Variants in NAV3 observed in about 807,000 individuals in gnomAD.
NAV3 encodes the protein neuron navigator 3, also known as pore membrane and/or filament interacting like protein 1.
NAV3 carries 87 observed loss-of-function variants against 244.7 expected under a neutral mutation model. That is an observed-to-expected ratio of 0.36 (90% CI 0.30 to 0.42). NAV3 has a LOEUF of 0.42. Among genes scored for constraint, NAV3 ranks in the 20% least tolerant of loss-of-function variants. NAV3 has a pLI of 1.00. For synonymous variants in NAV3, 1,126 were observed against 1,042.2 expected (o/e 1.08, Z -1.55); for missense variants, 2,663 against 2,893.3 (o/e 0.92, Z 1.83).
At chr12:77,974,100 T>C (rs148373096) in intron 5 of NAV3, among the ~76,000 whole-genome samples, 4 of 152,180 alleles carry the variant, frequency 2.6e-5, no homozygotes, top group Admixed American at 1.3e-4. Context: ...TCGGTTGTTA[T>C]AGATGAAGAT....
At chr12:78,017,036 A>G (rs1876337716) in intron 8 of NAV3, among the ~76,000 whole-genome samples, 1 of 152,136 alleles carries the variant, frequency 6.6e-6, no homozygotes, top group Non-Finnish European at 1.5e-5. Context: ...ATTTACAGGT[A>G]GCCAGATTCA....
chr12:77,805,361 G>C (rs1201985573), intron 2 of NAV3, among the ~76,000 whole-genome samples: 2 of 152,168 alleles, frequency 1.3e-5, no homozygotes, highest in African/African-American at 2.4e-5. Flanking sequence ...AGTTTATTGA[G>C]AGTTTTTAGC....
Position 77,951,920 on chromosome 12 carries a change from G to A in NAV3, c.414+10787G>A. 1.3e-5 allele frequency among the ~76,000 whole-genome samples: 2 copies of A among 152,000 alleles called. 1 individual carries two copies. Among genetic ancestry groups the A allele is most frequent in the Non-Finnish European group, 2.9e-5 (2 of 67,988 alleles). On this transcript the variant is annotated intron_variant, in intron 3 of 39. Transcript: ENST00000397909. ...ACATCACACACCAGGGTCTGTCGTG[G>A]GGCAGGGGGAGAGGGGAGGGATAGC...
chr12:78,055,844 A>G (rs1252152865), intron 11 of NAV3, among the ~76,000 whole-genome samples: 1 of 152,192 alleles, frequency 6.6e-6, no homozygotes, highest in Admixed American at 6.5e-5. Context: ...GGAGAGGGAA[A>G]TTGGTTTGAT....
chr12:77,917,876 C>T (rs1225601481), intron 1 of NAV3, among the ~76,000 whole-genome samples: 1 of 151,974 alleles, frequency 6.6e-6, no homozygotes, highest in Non-Finnish European at 1.5e-5. Flanking sequence ...TGACTAGACG[C>T]TGACTCATAC....
At chr12:78,183,955 T>G (rs1038188648) in intron 30 of NAV3, among the ~76,000 whole-genome samples, 1 of 151,834 alleles carries the variant, frequency 6.6e-6, no homozygotes, top group Non-Finnish European at 1.5e-5. Context: ...ACTGTTTTTG[T>G]TGACTGAATC....
intron 1 of NAV3, among the ~76,000 whole-genome samples, chr12:77,865,880 T>C (rs560843102): frequency 6.6e-6 from 1 of 151,612 alleles, no homozygotes; most frequent in African/African-American, 2.4e-5. Context: ...TTTCCTAAGA[T>C]TTGTGATTAT....
chr12:77,893,703 C>T (rs1225086186), intron 1 of NAV3, among the ~76,000 whole-genome samples: 1 of 152,006 alleles, frequency 6.6e-6, no homozygotes, highest in Non-Finnish European at 1.5e-5. Flanking sequence ...AATTAGTTGG[C>T]AAGAATAATA....
intron 1 of NAV3, among the ~76,000 whole-genome samples, chr12:77,894,264 C>A (rs77943464): frequency 1.1e-3 from 161 of 152,170 alleles, no homozygotes; most frequent in African/African-American, 3.6e-3. Flanking sequence ...AGAGAGATTT[C>A]TATCCCCAAA....
At position 78,159,327 on chromosome 12, in the gene NAV3, C is replaced by T. The variant is rs1957429018; in HGVS notation, c.4869+41C>T. On this transcript the variant is annotated intron_variant, in intron 23 of 39. Transcript: ENST00000397909. ...GCCACTGGAGACTGAAAGAAGACAG[C>T]AAATTGCATAGGATTCTTAAATAAT... The T allele has an allele frequency of 4.0e-6, 6 of 1,488,544 alleles. No homozygotes were observed. In the South Asian group the frequency reaches 4.5e-5, roughly 11 times the overall value. The allele number at this position is 1,488,544 out of a possible 1,614,324, so 92.2% of individuals were successfully genotyped here.
intron 8 of NAV3, among the ~76,000 whole-genome samples, chr12:78,020,682 T>A (rs11837958): frequency 0.063 from 9,634 of 152,226 alleles, 976 homozygotes; most frequent in African/African-American, 0.22. Flanking sequence ...CAATGATTAC[T>A]TTTTTTCTCT....
chr12:78,007,950 T>C (rs79129118), intron 8 of NAV3, among the ~76,000 whole-genome samples: 1,708 of 152,318 alleles, frequency 0.011, 12 homozygotes, highest in Non-Finnish European at 0.019. Flanking sequence ...ATTGGGAAAG[T>C]TACTTAACAT....
intron 1 of NAV3, among the ~76,000 whole-genome samples, chr12:77,849,408 A>C (rs1187819423): frequency 6.6e-6 from 1 of 152,148 alleles, no homozygotes; most frequent in Non-Finnish European, 1.5e-5. Context: ...AGTATTTATA[A>C]TCCAAAAATT....
chr12:77,745,988 TAAAA>T (rs35139297), intron 2 of NAV3, among the ~76,000 whole-genome samples: 5 of 107,566 alleles, frequency 4.6e-5, no homozygotes, highest in Admixed American at 1.0e-4. Context: ...AGACTTAAGG[TAAAA>T]AAAAAAAAAA....
At chr12:78,104,918 A>AATCT (rs1273186808) in intron 12 of NAV3, among the ~76,000 whole-genome samples, 2 of 152,160 alleles carry the variant, frequency 1.3e-5, no homozygotes, top group Non-Finnish European at 2.9e-5. Context: ...TCAATGGCTC[A>AATCT]ATCTTTTTAA....
chr12:77,812,481 C>T (rs1003285769), intron 2 of NAV3, among the ~76,000 whole-genome samples: 2 of 151,234 alleles, frequency 1.3e-5, no homozygotes, highest in African/African-American at 2.4e-5. Context: ...GGCACTATCT[C>T]GGGGCTCACT....
chr12:77,899,788 T>C (rs1283033185), intron 1 of NAV3, among the ~76,000 whole-genome samples: 1 of 152,208 alleles, frequency 6.6e-6, no homozygotes, highest in Non-Finnish European at 1.5e-5. Context: ...AAAGCGTTAA[T>C]TCACTAGCTA....
At chr12:77,785,850 C>T (rs1413031356) in intron 2 of NAV3, among the ~76,000 whole-genome samples, 3 of 152,130 alleles carry the variant, frequency 2.0e-5, no homozygotes, top group African/African-American at 7.2e-5. Context: ...TTTGGAAACC[C>T]AAGAAACCTG....
chr12:78,024,476 G>A (rs1374274247), intron 9 of NAV3, among the ~76,000 whole-genome samples: 5 of 152,150 alleles, frequency 3.3e-5, no homozygotes, highest in African/African-American at 4.8e-5. Context: ...ACCTGGATAT[G>A]TACTTCACTT....
Sources: gnomAD v4.1 joint callset for allele counts (sites outside exome capture counted in the v4.1 genomes callset) on GRCh38, gnomAD v4.1.1 for gene constraint, MANE v1.5 for transcripts, NCBI Gene and HGNC (gene_info 2026-07-23, HGNC 2026-07-21) for gene names.